HCN1: variants seen among roughly 807,000 people sequenced by gnomAD.
The protein encoded by HCN1 is hyperpolarization activated cyclic nucleotide gated potassium channel 1, also known as potassium/sodium hyperpolarization-activated cyclic nucleotide-gated channel 1.
In HCN1, 13 loss-of-function variants were observed where a neutral mutation model predicts 78.9. The observed-to-expected ratio is 0.16, with a 90% CI of 0.11 to 0.26. The LOEUF is 0.26. Among genes scored for constraint, HCN1 ranks in the 10% least tolerant of loss-of-function variants. The pLI, the probability that HCN1 is intolerant of heterozygous loss-of-function variation, is 1.00. For missense variants in HCN1, 810 were observed against 1,154.3 expected (o/e 0.70, Z 4.32); for synonymous variants, 552 against 455.5 (o/e 1.21, Z -2.70).
chr5:45,535,097 T>G (rs1478392950), intron 2 of HCN1, among the ~76,000 whole-genome samples: 1 of 152,202 alleles, frequency 6.6e-6, no homozygotes, highest in East Asian at 1.9e-4. Flanking sequence ...AATAGCAATA[T>G]GCCTTTATTT....
In HCN1 at chr5:45,644,873, T is replaced by A. The variant is rs957240808; in HGVS notation, c.849+312A>T. On this transcript the variant is annotated intron_variant, in intron 2 of 7. Coordinates refer to ENST00000303230, the MANE Select transcript of HCN1 (RefSeq NM_021072.4). Reference sequence around the variant, plus strand: ...TGGTACTTGATGTATTTATATTAGATTAAAAAAAACCAAGGTGGGAAAGGG... The same window carrying A: ...TGGTACTTGATGTATTTATATTAGAATAAAAAAAACCAAGGTGGGAAAGGG... 1.3e-5 allele frequency: 5 copies of A among 398,620 alleles called. No homozygotes were observed. In the East Asian group the frequency reaches 2.2e-4, roughly 17 times the overall value. 24.7% of individuals were successfully genotyped at this position (398,620 alleles called of 1,614,324 possible).
chr5:45,451,570 C>G (rs1225049130), intron 3 of HCN1, among the ~76,000 whole-genome samples: 87 of 152,094 alleles, frequency 5.7e-4, no homozygotes, highest in African/African-American at 1.9e-3. Context: ...TTAATGCTTA[C>G]TTTTAGCTTG....
At chr5:45,642,248 C>A (rs1745470713) in intron 2 of HCN1, 1 of 152,066 alleles carries the variant, frequency 6.6e-6, no homozygotes. Context: ...AAAACAACTT[C>A]CCTCCTCACT....
chr5:45,394,301 T>G (rs1739642092), intron 4 of HCN1, among the ~76,000 whole-genome samples: 1 of 152,088 alleles, frequency 6.6e-6, no homozygotes, highest in Non-Finnish European at 1.5e-5. Flanking sequence ...GATGCATGAG[T>G]GCTTCTCTGT....
chr5:45,624,579 G>T lies in HCN1; in HGVS notation c.849+20606C>A, dbSNP rs545558344. 1.1e-3 allele frequency among the ~76,000 whole-genome samples: 165 copies of T among 152,114 alleles called. 1 individual carries two copies. The highest frequency in any genetic ancestry group is 3.9e-3 in the African/African-American group (160 of 41,470). On this transcript the variant is annotated intron_variant, in intron 2 of 7. Transcript: ENST00000303230. ...GCCCCTCAAGTGTCACTGGGTTTTG[G>T]TTTAACAGGAAAAAAAAGTGAGTGG... is the stretch of plus-strand genomic sequence containing the variant.
At chr5:45,420,289 T>C (rs750936201) in intron 3 of HCN1, among the ~76,000 whole-genome samples, 8 of 152,158 alleles carry the variant, frequency 5.3e-5, no homozygotes, top group Non-Finnish European at 8.8e-5. Context: ...CTTATTCTGC[T>C]ACAGAACCCC....
Position 45,353,306 on chromosome 5 carries a change from A to G in HCN1, c.1231-60T>C. 3.1e-6 allele frequency: 4 copies of G among 1,300,506 alleles called. No homozygotes were observed. In the East Asian group the frequency reaches 7.0e-5, roughly 23 times the overall value. The allele number at this position is 1,300,506 out of a possible 1,614,324, so 80.6% of individuals were successfully genotyped here. A position where few individuals can be genotyped will look rare whatever the true frequency, so the allele number is the denominator to read the frequency against. On this transcript the variant is annotated intron_variant, in intron 4 of 7. Coordinates refer to ENST00000303230, the MANE Select transcript of HCN1 (RefSeq NM_021072.4). ...ATTGTTAGGGTGTATCAGAAATCAT[A>G]TTATTTTGTTTTGCTATATTCAATA...
At chr5:45,453,961 T>C (rs1740974765) in intron 3 of HCN1, among the ~76,000 whole-genome samples, 1 of 152,114 alleles carries the variant, frequency 6.6e-6, no homozygotes, top group Admixed American at 6.6e-5. Context: ...TCATGAATAG[T>C]GCTTCTTCTG....
intron 5 of HCN1, among the ~76,000 whole-genome samples, chr5:45,327,080 A>G (rs1234068198): frequency 1.3e-5 from 2 of 151,816 alleles, no homozygotes; most frequent in South Asian, 2.1e-4. Flanking sequence ...ACTATGTGGT[A>G]TCAGGTGCTC....
In HCN1 at chr5:45,281,670, C is replaced by T. The variant is rs961251908; in HGVS notation, c.1619-14417G>A. ...TGGCATGATCTCGGCTCACTGTAAC[C>T]TCCGCTTCCTGGGTTCAAGCAATTA... On this transcript the variant is annotated intron_variant, in intron 6 of 7. Transcript: ENST00000303230. 7.0e-5 allele frequency among the ~76,000 whole-genome samples: 10 copies of T among 143,860 alleles called. No individual in the cohort carries two copies. The South Asian group carries it at 2.1e-3, about 30-fold the overall frequency. 94.4% of individuals were successfully genotyped at this position (143,860 alleles called of 152,430 possible). A position where few individuals can be genotyped will look rare whatever the true frequency, so the allele number is the denominator to read the frequency against.
At chr5:45,582,761 G>A (rs1744108289) in intron 2 of HCN1, among the ~76,000 whole-genome samples, 1 of 152,138 alleles carries the variant, frequency 6.6e-6, no homozygotes, top group East Asian at 1.9e-4. Context: ...GGCCTTTTCT[G>A]CATCTATTGA....
intron 2 of HCN1, among the ~76,000 whole-genome samples, chr5:45,467,627 G>GC (rs1741300936): frequency 6.6e-6 from 1 of 151,934 alleles, no homozygotes; most frequent in Admixed American, 6.6e-5. Flanking sequence ...CTTAGTTGAG[G>GC]CCCTCAGCAA....
chr5:45,349,203 C>G (rs1000036477), intron 5 of HCN1, among the ~76,000 whole-genome samples: 5 of 152,124 alleles, frequency 3.3e-5, no homozygotes, highest in African/African-American at 9.7e-5. Flanking sequence ...CAAACTAGAA[C>G]TCAGGATTAA....
intron 2 of HCN1, among the ~76,000 whole-genome samples, chr5:45,622,503 AT>A (rs895751622): frequency 2.0e-5 from 3 of 152,122 alleles, no homozygotes; most frequent in Non-Finnish European, 4.4e-5. Flanking sequence ...CTGTAGCAGA[AT>A]TTTTTCTCCA....
chr5:45,445,660 C>T (rs1009480217), intron 3 of HCN1, among the ~76,000 whole-genome samples: 15 of 152,178 alleles, frequency 9.9e-5, no homozygotes, highest in African/African-American at 3.1e-4. Context: ...ACTGACACCT[C>T]ACATGGCCGG....
rs745713354 is a variant in HCN1, at chr5:45,267,287, T to C, written c.1619-34A>G. On this transcript the variant is annotated intron_variant, in intron 6 of 7. Transcript: ENST00000303230. ...ACAAACAACAAAGAAGAATGACTTGTTTGATCATTTTCTTTTAAAAGCCAT... is the reference window on the plus strand; with the variant it reads ...ACAAACAACAAAGAAGAATGACTTGCTTGATCATTTTCTTTTAAAAGCCAT... 25 of 1,606,366 alleles carry C rather than the reference T, an allele frequency of 1.6e-5. No homozygotes were observed. In the African/African-American group the frequency reaches 3.3e-4, roughly 22 times the overall value.
At chr5:45,557,364 CT>C (rs1743492178) in intron 2 of HCN1, among the ~76,000 whole-genome samples, 2 of 152,052 alleles carry the variant, frequency 1.3e-5, no homozygotes, top group South Asian at 4.1e-4. Context: ...TTGTCAACTG[CT>C]TTTGTAGTGC....
intron 2 of HCN1, among the ~76,000 whole-genome samples, chr5:45,551,301 C>T (rs973927911): frequency 2.0e-5 from 3 of 151,678 alleles, no homozygotes; most frequent in Admixed American, 6.6e-5. Context: ...ATATTATGCT[C>T]TTATCTATTG....
At chr5:45,564,777 G>A (rs773870923) in intron 2 of HCN1, among the ~76,000 whole-genome samples, 4 of 152,118 alleles carry the variant, frequency 2.6e-5, no homozygotes, top group East Asian at 1.9e-4. Context: ...AGGAATAATC[G>A]CAAATAAAGA....
Sources: gnomAD v4.1 joint callset for allele counts (sites outside exome capture counted in the v4.1 genomes callset) on GRCh38, gnomAD v4.1.1 for gene constraint, MANE v1.5 for transcripts, NCBI Gene and HGNC (gene_info 2026-07-23, HGNC 2026-07-21) for gene names.